MBD5: variants seen among roughly 807,000 people sequenced by gnomAD.
MBD5 encodes methyl-CpG binding domain protein 5.
In MBD5, 13 loss-of-function variants were observed where a neutral mutation model predicts 117.3. The observed-to-expected ratio is 0.11, with a 90% CI of 0.07 to 0.18. MBD5 has a LOEUF of 0.18. MBD5 is among the 10% of genes least tolerant of loss of function. MBD5 has a pLI of 1.00. For missense variants in MBD5, 1,879 were observed against 2,093.8 expected (o/e 0.90, Z 2.00); for synonymous variants, 727 against 766.4 (o/e 0.95, Z 0.85).
At chr2:148,244,221 A>G (rs1700284337) in intron 3 of MBD5, 1 of 152,252 alleles carries the variant, frequency 6.6e-6, no homozygotes, top group East Asian at 1.9e-4. Context: ...AAGTATGGTG[A>G]CAATACCTAT....
intron 4 of MBD5, among the ~76,000 whole-genome samples, chr2:148,426,664 A>G (rs1162803230): frequency 2.0e-5 from 3 of 152,202 alleles, no homozygotes; most frequent in Non-Finnish European, 4.4e-5. Context: ...AGATGGATTA[A>G]AGACTTACAT....
chr2:148,502,928 A>C (rs1574498255), intron 12 of MBD5: 2 of 199,902 alleles, frequency 1.0e-5, no homozygotes, highest in Non-Finnish European at 2.0e-5. Context: ...TTACTAGTCA[A>C]AGTGATGCTA....
intron 12 of MBD5, 142 bp downstream of exon 12, chr2:148,502,651 T>G (rs1559105606): frequency 1.3e-6 from 1 of 776,182 alleles, no homozygotes; most frequent in South Asian, 1.5e-5. Context: ...AGAGGACCAT[T>G]ATAGACAAGC....
intron 3 of MBD5, among the ~76,000 whole-genome samples, chr2:148,329,307 C>T (rs1376269898): frequency 9.9e-5 from 15 of 152,184 alleles, no homozygotes; most frequent in African/African-American, 3.6e-4. Flanking sequence ...ATCCTATAGA[C>T]ATAAATAGAT....
intron 2 of MBD5, among the ~76,000 whole-genome samples, chr2:148,225,954 G>A (rs1340350402): frequency 1.3e-5 from 2 of 152,064 alleles, no homozygotes; most frequent in African/African-American, 2.4e-5. Context: ...TCTGCATGGT[G>A]TTCTATAACC....
At chr2:148,400,008 T>C (rs932005361) in intron 4 of MBD5, among the ~76,000 whole-genome samples, 27 of 152,314 alleles carry the variant, frequency 1.8e-4, no homozygotes, top group African/African-American at 6.0e-4. Context: ...TGAAGCCCAC[T>C]TGATCATGGT....
At chr2:148,217,861 G>A (rs902732010) in intron 2 of MBD5, among the ~76,000 whole-genome samples, 2 of 152,066 alleles carry the variant, frequency 1.3e-5, no homozygotes, top group African/African-American at 4.8e-5. Context: ...TCACGGAGTT[G>A]TCATTACCCT....
At chr2:148,397,362 C>G (rs1704752756) in intron 4 of MBD5, among the ~76,000 whole-genome samples, 1 of 130,528 alleles carries the variant, frequency 7.7e-6, no homozygotes. Flanking sequence ...CGGAGTCTCG[C>G]TGTCTCGCCC....
intron 4 of MBD5, among the ~76,000 whole-genome samples, chr2:148,372,059 A>C (rs1703868793): frequency 6.6e-6 from 1 of 152,174 alleles, no homozygotes; most frequent in African/African-American, 2.4e-5. Context: ...AATATAATAA[A>C]TATGACAAAA....
At chr2:148,186,936 G>A (rs1347646894) in intron 2 of MBD5, among the ~76,000 whole-genome samples, 2 of 152,166 alleles carry the variant, frequency 1.3e-5, no homozygotes, top group African/African-American at 4.8e-5. Context: ...AATGAAGAGA[G>A]TCTTAGAAAA....
intron 3 of MBD5, among the ~76,000 whole-genome samples, chr2:148,322,442 T>A (rs1047410325): frequency 1.3e-5 from 2 of 152,242 alleles, no homozygotes; most frequent in Admixed American, 6.5e-5. Context: ...AAATGTTTGT[T>A]AAATTTCGTT....
intron 4 of MBD5, among the ~76,000 whole-genome samples, chr2:148,413,612 C>T (rs1705333581): frequency 6.8e-6 from 1 of 146,938 alleles, no homozygotes; most frequent in Non-Finnish European, 1.5e-5. Flanking sequence ...GGGTTTTTTT[C>T]TGGTTGGTAG....
chr2:148,129,696 G>A (rs1696990603), intron 1 of MBD5, among the ~76,000 whole-genome samples: 1 of 152,056 alleles, frequency 6.6e-6, no homozygotes, highest in African/African-American at 2.4e-5. Flanking sequence ...TTGAAAATCT[G>A]GGGAAGAACT....
At chr2:148,377,651 T>G (rs1704028701) in intron 4 of MBD5, among the ~76,000 whole-genome samples, 1 of 152,216 alleles carries the variant, frequency 6.6e-6, no homozygotes, top group Admixed American at 6.5e-5. Context: ...CAAAACGTAA[T>G]AAATTATATA....
At chr2:148,050,469 A>G (rs1694665159) in intron 1 of MBD5, among the ~76,000 whole-genome samples, 1 of 151,892 alleles carries the variant, frequency 6.6e-6, no homozygotes, top group Non-Finnish European at 1.5e-5. Context: ...TGGATACTAG[A>G]CCCTTATCAT....
intron 1 of MBD5, among the ~76,000 whole-genome samples, chr2:148,154,614 G>T (rs1167125031): frequency 6.6e-6 from 1 of 152,236 alleles, no homozygotes; most frequent in Non-Finnish European, 1.5e-5. Flanking sequence ...TCTGAGCCAG[G>T]TGCGGGATAT....
intron 1 of MBD5, among the ~76,000 whole-genome samples, chr2:148,145,491 T>C (rs1242943109): frequency 6.6e-6 from 1 of 152,192 alleles, no homozygotes; most frequent in East Asian, 1.9e-4. Flanking sequence ...CTATGTTGAA[T>C]AGGAGTGGTG....
intron 11 of MBD5, among the ~76,000 whole-genome samples, chr2:148,495,836 GC>G (rs1184447967): frequency 6.6e-6 from 1 of 152,136 alleles, no homozygotes; most frequent in Non-Finnish European, 1.5e-5. Context: ...CTATTGGGGG[GC>G]AATACATTTT....
intron 1 of MBD5, among the ~76,000 whole-genome samples, chr2:148,140,787 G>A (rs1477683575): frequency 6.6e-6 from 1 of 151,162 alleles, no homozygotes; most frequent in Admixed American, 6.6e-5. Context: ...CCCGAAGATA[G>A]GGCCTATTGT....
Sources: allele counts gnomAD v4.1 joint callset (sites outside exome capture counted in the v4.1 genomes callset), GRCh38; gene constraint gnomAD v4.1.1; transcripts MANE v1.5; gene names NCBI Gene and HGNC (gene_info 2026-07-23, HGNC 2026-07-21).